The following NCAPD2 variants were observed in gnomAD, a reference collection of about 807,000 sequenced individuals.
NCAPD2 encodes non-SMC condensin I complex subunit D2, also known as condensin complex subunit 1.
NCAPD2 carries 100 observed loss-of-function variants against 164.5 expected under a neutral mutation model. The ratio of observed to expected loss-of-function variants is 0.61; its 90% CI spans 0.52 to 0.72. The LOEUF (loss-of-function observed/expected upper bound fraction) is 0.72, where lower values mean the gene tolerates loss of function less well. Among genes scored for constraint, NCAPD2 ranks in the 30% least tolerant of loss-of-function variants. The pLI, the probability that NCAPD2 is intolerant of heterozygous loss-of-function variation, is 0.00. For missense variants in NCAPD2, 1,560 were observed against 1,749.2 expected (o/e 0.89, Z 1.93); for synonymous variants, 585 against 642.6 (o/e 0.91, Z 1.36).
intron 17 of NCAPD2, among the ~76,000 whole-genome samples, chr12:6,525,158 AT>A (rs1431297551): frequency 6.6e-6 from 1 of 152,230 alleles, no homozygotes; most frequent in Non-Finnish European, 1.5e-5. Flanking sequence ...ATAGTGACTG[AT>A]TTGTAAAAAA....
intron 6 of NCAPD2, among the ~76,000 whole-genome samples, chr12:6,513,134 C>T (rs749200514): frequency 6.6e-6 from 1 of 152,160 alleles, no homozygotes; most frequent in Non-Finnish European, 1.5e-5. Context: ...AGAGATAACA[C>T]ATTTGGGAAT....
In NCAPD2 at chr12:6,531,498, T is replaced by C; in HGVS notation, c.*86T>C. The stretch of plus-strand genomic sequence containing the variant: ...CTGTTTCCCTTGTAAAATATTTGTC[T>C]GTCTCTTTTTTTTAAAAAAAAAAAA... On this transcript the variant is annotated 3_prime_UTR_variant, in exon 32 of 32. Transcript: ENST00000315579. The surrounding 1 kb of genome is among the most constrained non-coding windows in gnomAD (Gnocchi z 4.1). 2 of 1,537,628 alleles carry C rather than the reference T, an allele frequency of 1.3e-6. No homozygotes were observed. Among genetic ancestry groups the C allele is most frequent in the East Asian group, 4.9e-5 (2 of 41,058 alleles).
intron 6 of NCAPD2, 83 bp from the exon 7 acceptor site, chr12:6,514,182 A>G (rs1187801815): frequency 1.4e-5 from 22 of 1,566,464 alleles, no homozygotes; most frequent in Non-Finnish European, 1.8e-5. Context: ...TGGGAGCAGT[A>G]GGGATAGAAT....
At chr12:6,530,527 G>C (rs1946361186) in intron 29 of NCAPD2, among the ~76,000 whole-genome samples, 164 bp from the exon 30 acceptor site, 1 of 152,166 alleles carries the variant, frequency 6.6e-6, no homozygotes, top group South Asian at 2.1e-4. Context: ...CCATCACTTT[G>C]TCTTTTCCAG....
At chr12:6,524,568 G>A (rs1366968533) in intron 17 of NCAPD2, among the ~76,000 whole-genome samples, 2 of 145,330 alleles carry the variant, frequency 1.4e-5, no homozygotes, top group Non-Finnish European at 3.0e-5. Context: ...ACAGTTGCTT[G>A]AACCCAGGAG....
chr12:6,531,096 T>TC lies in NCAPD2; in HGVS notation c.4120+23dup. The TC allele has an allele frequency of 6.2e-7, 1 of 1,612,468 alleles. No individual in the cohort carries two copies. Among genetic ancestry groups the TC allele is most frequent in the Non-Finnish European group, 8.5e-7 (1 of 1,179,896 alleles). The stretch of plus-strand genomic sequence containing the variant: ...AGGAAGGTATGATGCTCCCGCCTGT[T>TC]CCCGGCCGAGAAGGCACACAGCTAG... On this transcript the variant is annotated intron_variant, in intron 31 of 31. Transcript: ENST00000315579. The surrounding 1 kb of genome is among the most constrained non-coding windows in gnomAD (Gnocchi z 4.1).
In NCAPD2 at chr12:6,530,226, T is replaced by G. The variant is rs184654483; in HGVS notation, c.3837+268T>G. On this transcript the variant is annotated intron_variant, in intron 29 of 31. Coordinates refer to ENST00000315579, the MANE Select transcript of NCAPD2 (RefSeq NM_014865.4). ...TTTATTTTTCAGAGCAGTTTTAGGT[T>G]CAAAGCAAAATTGAGCAGAAAGTAC... Among the ~76,000 whole-genome samples, 5 of 152,350 alleles carry G rather than the reference T, an allele frequency of 3.3e-5. No homozygotes were observed. The East Asian group carries it at 9.6e-4, about 29-fold the overall frequency.
chr12:6,504,317 T>C (rs1946078953), intron 2 of NCAPD2, among the ~76,000 whole-genome samples: 1 of 150,818 alleles, frequency 6.6e-6, no homozygotes, highest in Non-Finnish European at 1.5e-5. Context: ...TATGTAAGTT[T>C]TGACTGCCCC....
Position 6,520,476 on chromosome 12 carries a change from A to G in NCAPD2, c.1590-510A>G, listed in dbSNP as rs139227666. Among the ~76,000 whole-genome samples the G allele has an allele frequency of 4.1e-3, 621 of 150,030 alleles. 5 individuals are homozygous for G. Among genetic ancestry groups the G allele is most frequent in the Non-Finnish European group, 5.0e-3 (339 of 67,306 alleles). On this transcript the variant is annotated intron_variant, in intron 13 of 31. Transcript: ENST00000315579. ...GGCATACACCATCACACCCACAGGC[A>G]CACACCATCACACCCGGCTAACTTT... is the stretch of plus-strand genomic sequence containing the variant.
chr12:6,510,234 T>C (rs759100936), intron 4 of NCAPD2, 101 bp downstream of exon 4: 2 of 1,268,994 alleles, frequency 1.6e-6, no homozygotes, highest in Admixed American at 1.7e-5. Context: ...CACATGATGA[T>C]ATCAAGGCTG....
chr12:6,503,909 C>T (rs191983048), intron 2 of NCAPD2, among the ~76,000 whole-genome samples: 152 of 151,842 alleles, frequency 1.0e-3, no homozygotes, highest in Non-Finnish European at 1.9e-3. Flanking sequence ...ACCCAGGAGG[C>T]AGAGGTTGCA....
At position 6,529,399 on chromosome 12, in the gene NCAPD2, C is replaced by A. The variant is rs866183530; in HGVS notation, c.3573-114C>A. ...AGGGGAGTGGTGAGGCAGACAGGGGCCGTGGCAGAGAACATCAGAGAAGAC... is the reference window on the plus strand; with the variant it reads ...AGGGGAGTGGTGAGGCAGACAGGGGACGTGGCAGAGAACATCAGAGAAGAC... On this transcript the variant is annotated intron_variant, in intron 27 of 31. Coordinates refer to ENST00000315579, the MANE Select transcript of NCAPD2 (RefSeq NM_014865.4). 36 of 944,306 alleles carry A rather than the reference C, an allele frequency of 3.8e-5. 1 individual carries two copies. The Middle Eastern group carries it at 8.5e-4, about 22-fold the overall frequency. The allele number at this position is 944,306 out of a possible 1,614,324, so 58.5% of individuals were successfully genotyped here. A position where few individuals can be genotyped will look rare whatever the true frequency, so the allele number is the denominator to read the frequency against.
intron 29 of NCAPD2, 98 bp downstream of exon 29, chr12:6,530,056 G>A (rs540881335): frequency 3.6e-5 from 49 of 1,347,750 alleles, no homozygotes; most frequent in Middle Eastern, 1.9e-4. Context: ...TCACCTTCCC[G>A]TCCTCCTTAT....
At chr12:6,517,302 T>C in intron 10 of NCAPD2, 63 bp from the exon 11 acceptor site, 4 of 1,585,292 alleles carry the variant, frequency 2.5e-6, no homozygotes, top group Middle Eastern at 3.4e-4. Context: ...TACTTAAAGA[T>C]CATCTTGAAC....
chr12:6,520,167 C>T (rs1946250956), intron 13 of NCAPD2, among the ~76,000 whole-genome samples: 1 of 140,832 alleles, frequency 7.1e-6, no homozygotes, highest in African/African-American at 2.8e-5. Context: ...GGTGACAGAA[C>T]AAGACTCTGT....
In NCAPD2 at chr12:6,521,833, G is replaced by A. The variant is rs769642475; in HGVS notation, c.1750G>A (p.Glu584Lys). ...TTCCACACAAGAAAAGAATCCCCGG[G>A]AGTCTACAGGAAACATGGTCACAGG... The part of the protein sequence containing the change: ...AASTQEKNPR[E>K]STGNMVTGQT... The change falls in exon 15 of 32, where the codon GAG (glutamate) becomes AAG (lysine). Residue 584 changes from glutamate (E) to lysine (K), a missense_variant. Transcript: ENST00000315579. 3 of 1,614,032 alleles carry A rather than the reference G, an allele frequency of 1.9e-6. No individual in the cohort carries two copies. Among genetic ancestry groups the A allele is most frequent in the Non-Finnish European group, 1.7e-6 (2 of 1,179,962 alleles).
In NCAPD2 at chr12:6,529,273, C is replaced by G. The variant is rs144622101; in HGVS notation, c.3572+234C>G. On this transcript the variant is annotated intron_variant, in intron 27 of 31. Transcript: ENST00000315579. The stretch of plus-strand genomic sequence containing the variant: ...TAACATGGTGGCAGACATACAGTAG[C>G]ACTCACTCCCTAGCAGCTGCTCCTG... The G allele has an allele frequency of 2.5e-3, 1,554 of 613,366 alleles. 6 individuals carry two copies. The highest frequency in any genetic ancestry group is 3.2e-3 in the Non-Finnish European group (1,116 of 347,956). 38.0% of individuals were successfully genotyped at this position (613,366 alleles called of 1,614,324 possible). A position where few individuals can be genotyped will look rare whatever the true frequency, so the allele number is the denominator to read the frequency against.
intron 2 of NCAPD2, among the ~76,000 whole-genome samples, chr12:6,508,089 G>T (rs536892191): frequency 6.6e-6 from 1 of 152,156 alleles, no homozygotes; most frequent in African/African-American, 2.4e-5. Flanking sequence ...CCAGAACTTT[G>T]GGAGGCCGAG....
At chr12:6,502,229 G>A (rs1340204435) in intron 2 of NCAPD2, among the ~76,000 whole-genome samples, 2 of 152,208 alleles carry the variant, frequency 1.3e-5, no homozygotes, top group Non-Finnish European at 2.9e-5. Context: ...AAAAGGCAGA[G>A]TGTATGTATG....
Sources: allele counts gnomAD v4.1 joint callset (sites outside exome capture counted in the v4.1 genomes callset), GRCh38; gene constraint gnomAD v4.1.1; non-coding constraint Gnocchi (gnomAD v3.1); transcripts MANE v1.5; gene names NCBI Gene and HGNC (gene_info 2026-07-23, HGNC 2026-07-21).